NAALADL2: variants seen among roughly 807,000 people sequenced by gnomAD.
NAALADL2 encodes the protein N-acetylated alpha-linked acidic dipeptidase like 2.
Under a neutral mutation model 87.2 loss-of-function variants are expected in NAALADL2, and 76 were observed. The observed-to-expected ratio is 0.87, with a 90% CI of 0.72 to 1.05. NAALADL2 has a LOEUF of 1.05. Among genes scored for constraint, NAALADL2 ranks in the 50% least tolerant of loss-of-function variants. NAALADL2 has a pLI of 0.00. For missense variants in NAALADL2, 1,089 were observed against 945.8 expected, an observed-to-expected ratio of 1.15 and a Z score of -1.99; for synonymous variants, 354 against 331.0, an observed-to-expected ratio of 1.07 and a Z score of -0.75.
chr3:175,796,907 TATG>T (rs1277759404), intron 13 of NAALADL2, among the ~76,000 whole-genome samples: 1 of 152,150 alleles, frequency 6.6e-6, no homozygotes, highest in African/African-American at 2.4e-5. Flanking sequence ...GGAAATGACT[TATG>T]AAGATTTTAG....
chr3:175,118,164 C>G (rs560097707), intron 2 of NAALADL2, among the ~76,000 whole-genome samples: 1 of 151,702 alleles, frequency 6.6e-6, no homozygotes, highest in Admixed American at 6.6e-5. Flanking sequence ...ATGTAAATGA[C>G]GAGTTAATGG....
At chr3:175,710,560 TTATA>T (rs745459103) in intron 11 of NAALADL2, among the ~76,000 whole-genome samples, 1 of 149,980 alleles carries the variant, frequency 6.7e-6, no homozygotes, top group African/African-American at 2.5e-5. Flanking sequence ...ATATAAATAT[TTATA>T]TATGTGTAAA....
rs529270095 is a variant in NAALADL2 at position 174,484,948 on chromosome 3, A to G, written c.-184+43916A>G. On this transcript the variant is annotated intron_variant, in intron 1 of 3. Coordinates refer to the NAALADL2 transcript ENST00000434257. ...GTAGTTGTGTCATTTATTATTGTAA[A>G]GAGTAGAAATGAATATTCTAACATT... is the stretch of plus-strand genomic sequence containing the variant. Among the ~76,000 whole-genome samples the G allele has an allele frequency of 2.0e-5, 3 of 152,172 alleles. No homozygotes were observed. The East Asian group carries it at 5.8e-4, about 29-fold the overall frequency.
intron 4 of NAALADL2, among the ~76,000 whole-genome samples, chr3:175,273,133 A>T (rs967730389): frequency 3.3e-5 from 5 of 152,064 alleles, no homozygotes; most frequent in Non-Finnish European, 7.4e-5. Context: ...ATTGCAAAAC[A>T]TTAGGTTTCA....
intron 1 of NAALADL2, among the ~76,000 whole-genome samples, chr3:174,954,994 T>A: frequency 6.6e-6 from 1 of 152,108 alleles, no homozygotes; most frequent in East Asian, 1.9e-4. Context: ...TTTTAAAGTC[T>A]CCTTATAAAA....
intron 2 of NAALADL2, among the ~76,000 whole-genome samples, chr3:175,105,202 C>G (rs1268384984): frequency 2.0e-5 from 3 of 152,112 alleles, no homozygotes; most frequent in Non-Finnish European, 4.4e-5. Flanking sequence ...TTGCAACCCA[C>G]AGTACTTCAT....
intron 1 of NAALADL2, among the ~76,000 whole-genome samples, chr3:175,038,232 A>G (rs1394660907): frequency 6.6e-6 from 1 of 152,174 alleles, no homozygotes; most frequent in Non-Finnish European, 1.5e-5. Context: ...TTGCTAACAA[A>G]TCTTCTTATA....
At position 175,642,499 on chromosome 3, in the gene NAALADL2, C is replaced by CTTT. The variant is rs1206070195; in HGVS notation, c.1896+15127_1896+15129dup. On this transcript the variant is annotated intron_variant, in intron 11 of 13. Transcript: ENST00000454872. ...TGCCCAAGATATTCATCACCCAAAT[C>CTTT]TTTTTTTTTTTTTTTTCTTGAGACA... Among the ~76,000 whole-genome samples, 576 of 141,400 alleles carry CTTT rather than the reference C, an allele frequency of 4.1e-3. 3 individuals carry two copies. The highest frequency in any genetic ancestry group is 0.013 in the African/African-American group (504 of 38,158). The allele number at this position is 141,400 out of a possible 152,430, so 92.8% of individuals were successfully genotyped here. A position where few individuals can be genotyped will look rare whatever the true frequency, so the allele number is the denominator to read the frequency against.
chr3:175,382,529 C>G (rs993709556), intron 5 of NAALADL2, among the ~76,000 whole-genome samples: 17 of 55,484 alleles, frequency 3.1e-4, no homozygotes, highest in African/African-American at 5.6e-4. Context: ...TACAAATGAC[C>G]CATGGTTATA....
intron 2 of NAALADL2, among the ~76,000 whole-genome samples, chr3:174,720,229 T>G (rs960309796): frequency 5.3e-5 from 8 of 152,208 alleles, no homozygotes; most frequent in African/African-American, 1.9e-4. Flanking sequence ...AAAGTAACTT[T>G]TAAAATGTGA....
At chr3:174,622,788 C>T (rs979697843) in intron 2 of NAALADL2, among the ~76,000 whole-genome samples, 1 of 152,164 alleles carries the variant, frequency 6.6e-6, no homozygotes, top group Admixed American at 6.5e-5. Context: ...CGCCTGTAAT[C>T]CCAGCACTTT....
chr3:175,367,810 G>C (rs202245445), intron 5 of NAALADL2, among the ~76,000 whole-genome samples: 1 of 152,138 alleles, frequency 6.6e-6, no homozygotes. Flanking sequence ...AACAGGGACA[G>C]TTTGACTTCC....
At chr3:175,056,613 A>T (rs1336845709) in intron 1 of NAALADL2, among the ~76,000 whole-genome samples, 1 of 152,324 alleles carries the variant, frequency 6.6e-6, no homozygotes, top group South Asian at 2.1e-4. Flanking sequence ...CAGGGGTCTT[A>T]TAGCCTTCAG....
At chr3:175,369,804 C>T (rs1470842460) in intron 5 of NAALADL2, among the ~76,000 whole-genome samples, 1 of 152,196 alleles carries the variant, frequency 6.6e-6, no homozygotes, top group African/African-American at 2.4e-5. Flanking sequence ...ATCATATCTA[C>T]TTCTTCCTAA....
chr3:175,460,220 T>C (rs1235313007), intron 6 of NAALADL2: 1 of 455,098 alleles, frequency 2.2e-6, no homozygotes, highest in Non-Finnish European at 4.4e-6. Context: ...TGATATTTAT[T>C]ATTAAAATTT....
chr3:174,550,693 CTT>C (rs901416789), intron 2 of NAALADL2: 1 of 151,904 alleles, frequency 6.6e-6, no homozygotes, highest in African/African-American at 2.4e-5. Flanking sequence ...TCAACCAAGT[CTT>C]TAATTATAAT....
At chr3:175,482,640 A>C (rs1368236211) in intron 9 of NAALADL2, among the ~76,000 whole-genome samples, 2 of 151,940 alleles carry the variant, frequency 1.3e-5, no homozygotes, top group Admixed American at 6.6e-5. Context: ...CCATTGCTTC[A>C]TTAAAAGTAG....
At chr3:175,395,401 A>G (rs949449459) in intron 5 of NAALADL2, among the ~76,000 whole-genome samples, 1 of 152,154 alleles carries the variant, frequency 6.6e-6, no homozygotes, top group African/African-American at 2.4e-5. Flanking sequence ...CATCTTTTCT[A>G]TCATGCCTTG....
At chr3:174,952,754 A>G (rs1740567928) in intron 1 of NAALADL2, among the ~76,000 whole-genome samples, 1 of 152,144 alleles carries the variant, frequency 6.6e-6, no homozygotes, top group Non-Finnish European at 1.5e-5. Context: ...TGTACTAAAG[A>G]TGGATTTATA....
Sources: gnomAD v4.1 joint callset for allele counts (sites outside exome capture counted in the v4.1 genomes callset) on GRCh38, gnomAD v4.1.1 for gene constraint, MANE v1.5 for transcripts, NCBI Gene and HGNC (gene_info 2026-07-23, HGNC 2026-07-21) for gene names.